ABHD1: variants seen among roughly 807,000 people sequenced by gnomAD.
ABHD1 encodes protein ABHD1.
Under a neutral mutation model 41.4 loss-of-function variants are expected in ABHD1, and 47 were observed. The observed-to-expected ratio is 1.13, with a 90% CI of 0.90 to 1.45. The LOEUF (loss-of-function observed/expected upper bound fraction) is 1.45, where lower values mean the gene tolerates loss of function less well. ABHD1 is among the 40% of genes most tolerant of loss of function. ABHD1 has a pLI of 0.00. For missense variants in ABHD1, 550 were observed against 503.4 expected (o/e 1.09, Z -0.89); for synonymous variants, 205 against 203.7 (o/e 1.01, Z -0.05).
chr2:27,128,400 CA>C, intron 1 of ABHD1, 40 bp from the exon 2 acceptor site: 3 of 1,612,158 alleles, frequency 1.9e-6, no homozygotes, highest in Non-Finnish European at 2.5e-6. Flanking sequence ...TAGCTTGGTG[CA>C]AAAGTCAGGG....
intron 2 of ABHD1, among the ~76,000 whole-genome samples, 169 bp downstream of exon 2, chr2:27,128,770 A>G (rs938888137): frequency 4.6e-5 from 7 of 152,232 alleles, no homozygotes; most frequent in Admixed American, 4.6e-4. Context: ...CCACCAGGTC[A>G]TCTTTTATGT....
Position 27,123,988 on chromosome 2 carries a change from G to A in ABHD1, c.40G>A (p.Ala14Thr). 6.2e-7 allele frequency: 1 copy of A among 1,614,250 alleles called. No individual in the cohort carries two copies. The highest frequency in any genetic ancestry group is 8.5e-7 in the Non-Finnish European group (1 of 1,180,048). Residue 14 changes from alanine to threonine, a missense_variant, in exon 1 of 9, where the codon GCA (alanine) becomes ACA (threonine). By Grantham distance (58) the Ala-to-Thr change is moderately conservative. Coordinates refer to ENST00000316470, the MANE Select transcript of ABHD1 (RefSeq NM_032604.4). ...SFLSPQNGTWADTFSLLLALA... is the reference protein window; with the variant it reads ...SFLSPQNGTWTDTFSLLLALA... ...CCTGAGCCCCCAGAATGGCACCTGG[G>A]CAGACACCTTCTCTCTGCTCTTGGC...
rs1283716337 is a variant in ABHD1 at position 27,129,509 on chromosome 2, C to T, written c.505-5C>T. ...TCCCTACCCAATGATCTGGTTTGCC[C>T]TCAGACCCACAGGGCTTTTTGTGCC... On this transcript the variant is annotated splice_region_variant and splice_polypyrimidine_tract_variant and intron_variant, in intron 4 of 8. Coordinates refer to ENST00000316470, the MANE Select transcript of ABHD1 (RefSeq NM_032604.4). 1.2e-6 allele frequency: 2 copies of T among 1,614,100 alleles called. No individual in the cohort carries two copies. Among genetic ancestry groups the T allele is most frequent in the Non-Finnish European group, 1.7e-6 (2 of 1,179,996 alleles).
intron 1 of ABHD1, among the ~76,000 whole-genome samples, chr2:27,127,686 C>T (rs1672027887): frequency 6.6e-6 from 1 of 150,922 alleles, no homozygotes; most frequent in African/African-American, 2.4e-5. Context: ...CTCAGCCTCC[C>T]GAGTAACTGA....
At chr2:27,124,347 C>T in intron 1 of ABHD1, 1 of 505,508 alleles carries the variant, frequency 2.0e-6, no homozygotes, top group South Asian at 1.7e-5. Context: ...CAGAGATGTG[C>T]ACACTTTGCG....
At chr2:27,128,845 G>T in intron 2 of ABHD1, 100 bp from the exon 3 acceptor site, 1 of 1,386,976 alleles carries the variant, frequency 7.2e-7, no homozygotes, top group South Asian at 1.4e-5. Context: ...ATGCTGACGG[G>T]AAGTGATAAG....
chr2:27,127,408 GC>G (rs1672004783), intron 1 of ABHD1, among the ~76,000 whole-genome samples: 2 of 148,222 alleles, frequency 1.3e-5, no homozygotes, highest in African/African-American at 4.9e-5. Context: ...CAAAAAATTA[GC>G]CAGGCGTGGT....
In ABHD1 at chr2:27,129,832, G is replaced by T; in HGVS notation, c.696G>T (p.Trp232Cys). ...CAGCACTGACTCTGTCTGCATGCTG[G>T]GATTCCTTTGAGACCACTCGCTCCC... ...LVAALTLSACWDSFETTRSLE... is the reference protein window; with the variant it reads ...LVAALTLSACCDSFETTRSLE... The change falls in exon 6 of 9, where the codon TGG (tryptophan) becomes TGT (cysteine). Residue 232 changes from tryptophan (W) to cysteine (C), a missense_variant. By Grantham distance (215) the Trp-to-Cys change is radical (BLOSUM62 -2). Coordinates refer to ENST00000316470, the MANE Select transcript of ABHD1 (RefSeq NM_032604.4). The T allele has an allele frequency of 6.2e-7, 1 of 1,614,198 alleles. No individual in the cohort carries two copies. The highest frequency in any genetic ancestry group is 8.5e-7 in the Non-Finnish European group (1 of 1,180,048).
intron 1 of ABHD1, among the ~76,000 whole-genome samples, chr2:27,127,878 A>T (rs1672038629): frequency 6.6e-6 from 1 of 152,014 alleles, no homozygotes; most frequent in Non-Finnish European, 1.5e-5. Context: ...TTTCAACTGC[A>T]AAGTAAAGGC....
chr2:27,124,943 G>A (rs920246608), intron 1 of ABHD1: 2 of 152,180 alleles, frequency 1.3e-5, no homozygotes, highest in African/African-American at 4.8e-5. Context: ...GAGTTCGAGA[G>A]CAGCCTGACC....
chr2:27,129,662 C>T (rs1672140231), intron 5 of ABHD1, 36 bp downstream of exon 5: 2 of 1,609,934 alleles, frequency 1.2e-6, no homozygotes, highest in Non-Finnish European at 8.5e-7. Flanking sequence ...GAGGCCCAGT[C>T]TTCCTTTTTT....
In ABHD1 at chr2:27,129,802, G is replaced by C; in HGVS notation, c.666G>C (p.Leu222=). The change falls in exon 6 of 9, where the codon CTG becomes CTC. Residue 222 remains leucine (L), a synonymous_variant. Transcript: ENST00000316470. ...HLAQARQAAG[L]VAALTLSACW... ...CACAGGCCAGGCAGGCTGCAGGGCT[G>C]GTGGCAGCACTGACTCTGTCTGCAT... 1 of 1,614,232 alleles carries C rather than the reference G, an allele frequency of 6.2e-7. No homozygotes were observed. The highest frequency in any genetic ancestry group is 8.5e-7 in the Non-Finnish European group (1 of 1,180,052).
Position 27,130,129 on chromosome 2 carries a change from G to A in ABHD1, c.816G>A (p.Val272=), listed in dbSNP as rs758034669. The A allele has an allele frequency of 6.2e-6, 10 of 1,614,038 alleles. No individual in the cohort carries two copies. The highest frequency in any genetic ancestry group is 1.1e-5 in the South Asian group (1 of 91,086). ...VERNRKVIEK[V]VDIDFVLQAR... is the part of the protein sequence containing the mutation. ...GAAACAGAAAGGTGATTGAAAAGGT[G>A]GTGGACATAGACTTTGTACTACAGG... The change falls in exon 7 of 9, where the codon GTG becomes GTA. Residue 272 remains valine, a synonymous_variant. Coordinates refer to ENST00000316470, the MANE Select transcript of ABHD1 (RefSeq NM_032604.4).
chr2:27,130,741 C>G lies in ABHD1; in HGVS notation c.1215C>G (p.Ser405Arg), dbSNP rs1024937580. ...RALLPSEDRN[S>R] ...TCTTACCTTCTGAGGACAGAAACAGCTGACAAGAGTACCATTTGGGGTCTC... is the reference window on the plus strand; with the variant it reads ...TCTTACCTTCTGAGGACAGAAACAGGTGACAAGAGTACCATTTGGGGTCTC... The change falls in exon 9 of 9, where the codon AGC becomes AGG. Residue 405 changes from serine to arginine, a missense_variant. By Grantham distance (110) the Ser-to-Arg change is moderately radical. Transcript: ENST00000316470. 1.9e-6 allele frequency: 3 copies of G among 1,613,764 alleles called. No individual in the cohort carries two copies. The highest frequency in any genetic ancestry group is 2.7e-5 in the African/African-American group (2 of 74,928).
intron 1 of ABHD1, among the ~76,000 whole-genome samples, chr2:27,127,198 CCAGAGT>C (rs1671993230): frequency 6.7e-6 from 1 of 148,930 alleles, no homozygotes; most frequent in Non-Finnish European, 1.5e-5. Context: ...GCCAGAGTGG[CCAGAGT>C]CAGTCTTAGG....
At chr2:27,124,519 G>C (rs978151618) in intron 1 of ABHD1, 2 of 339,864 alleles carry the variant, frequency 5.9e-6, no homozygotes, top group African/African-American at 4.3e-5. Flanking sequence ...GCCTAGCTCA[G>C]AACTGATGGA....
Position 27,130,106 on chromosome 2 carries a change from A to G in ABHD1, c.793A>G (p.Asn265Asp), listed in dbSNP as rs760806677. 3.1e-6 allele frequency: 5 copies of G among 1,614,214 alleles called. No individual in the cohort carries two copies. The highest frequency in any genetic ancestry group is 3.3e-4 in the Middle Eastern group (2 of 6,062). Residue 265 changes from asparagine (N) to aspartate (D), a missense_variant and splice_region_variant, in exon 7 of 9, where the codon AAC (asparagine) becomes GAC (aspartate). Asn to Asp is a conservative substitution (Grantham distance 23). Transcript: ENST00000316470. Reference protein sequence around the residue: ...TAGLCQLVERNRKVIEKVVDI... With the variant: ...TAGLCQLVERDRKVIEKVVDI... ...CCAAACTCTTATGTACTTTTGCAGA[A>G]ACAGAAAGGTGATTGAAAAGGTGGT...
intron 7 of ABHD1, 40 bp from the exon 8 acceptor site, chr2:27,130,211 T>A: frequency 6.2e-7 from 1 of 1,614,132 alleles, no homozygotes; most frequent in Non-Finnish European, 8.5e-7. Flanking sequence ...TATCTTCCTA[T>A]TCTTTATCAT....
chr2:27,130,139 G>A lies in ABHD1; in HGVS notation c.826G>A (p.Asp276Asn), dbSNP rs754481629. The A allele has an allele frequency of 9.9e-6, 16 of 1,614,196 alleles. No homozygotes were observed. Among genetic ancestry groups the A allele is most frequent in the Admixed American group, 6.7e-5 (4 of 60,014 alleles). ...RKVIEKVVDI[D>N]FVLQARTIRQ... Reference sequence around the variant, plus strand: ...GGTGATTGAAAAGGTGGTGGACATAGACTTTGTACTACAGGTATAATATTC... The same window carrying A: ...GGTGATTGAAAAGGTGGTGGACATAAACTTTGTACTACAGGTATAATATTC... Residue 276 changes from aspartate (D) to asparagine (N), a missense_variant, in exon 7 of 9, where the codon GAC becomes AAC. Coordinates refer to ENST00000316470, the MANE Select transcript of ABHD1 (RefSeq NM_032604.4).
Sources: gnomAD v4.1 joint callset for allele counts (sites outside exome capture counted in the v4.1 genomes callset) on GRCh38, gnomAD v4.1.1 for gene constraint, MANE v1.5 for transcripts, NCBI Gene and HGNC (gene_info 2026-07-23, HGNC 2026-07-21) for gene names.